The following SLC26A11 variants were observed in gnomAD, a reference collection of about 807,000 sequenced individuals.
SLC26A11 encodes sodium-independent sulfate anion transporter.
Under a neutral mutation model 62.2 loss-of-function variants are expected in SLC26A11, and 58 were observed. That is an observed-to-expected ratio of 0.93 (90% confidence interval 0.76 to 1.16). The LOEUF (loss-of-function observed/expected upper bound fraction) is 1.16, where lower values mean the gene tolerates loss of function less well. SLC26A11 is among the 50% of genes most tolerant of loss of function. SLC26A11 has a pLI of 0.00. For synonymous variants in SLC26A11, 411 were observed against 368.9 expected (o/e 1.11, Z -1.31); for missense variants, 790 against 794.3 (o/e 0.99, Z 0.06).
rs773547287 is a variant in SLC26A11 at position 80,222,723 on chromosome 17, T to C, written c.303T>C (p.Thr101=). Residue 101 remains threonine (T), a synonymous_variant, in exon 4 of 18, where the codon ACT becomes ACC. Transcript: ENST00000361193. This position sits in a 1 kb window ranked among gnomAD's most constrained non-coding sequence, Gnocchi z 4.7. Reference sequence around the variant, plus strand: ...TCCTGGGCACCTCCCGGGATGTGACTCTGGGCCCCACCGCCATTATGTCCC... The same window carrying C: ...TCCTGGGCACCTCCCGGGATGTGACCCTGGGCCCCACCGCCATTATGTCCC... ...YFFLGTSRDV[T]LGPTAIMSLL... is the part of the protein sequence containing the mutation. 6.2e-7 allele frequency: 1 copy of C among 1,614,126 alleles called. No individual in the cohort carries two copies. The highest frequency in any genetic ancestry group is 8.5e-7 in the Non-Finnish European group (1 of 1,180,020).
intron 9 of SLC26A11, among the ~76,000 whole-genome samples, chr17:80,240,933 A>G (rs939810919): frequency 6.6e-6 from 1 of 152,120 alleles, no homozygotes; most frequent in Non-Finnish European, 1.5e-5. Context: ...CAACTTAACA[A>G]GACCTCATTT....
At chr17:80,226,485 TAGGTC>T (rs1466917748) in intron 6 of SLC26A11, among the ~76,000 whole-genome samples, 2 of 152,140 alleles carry the variant, frequency 1.3e-5, no homozygotes, top group Non-Finnish European at 2.9e-5. Flanking sequence ...CAGATCATCT[TAGGTC>T]AGGAGTTCAA....
Position 80,223,240 on chromosome 17 carries a change from T to G in SLC26A11, c.428-12T>G. 6.2e-7 allele frequency: 1 copy of G among 1,613,778 alleles called. No individual in the cohort carries two copies. The highest frequency in any genetic ancestry group is 1.3e-5 in the African/African-American group (1 of 75,042). ...GCCGGGACCAGCTCGATGTCCCCTC[T>G]TGGCTGGCCAGGGTTCCTGCTGGAC... On this transcript the variant is annotated splice_polypyrimidine_tract_variant and intron_variant, in intron 4 of 17. Transcript: ENST00000361193. The surrounding 1 kb of genome is among the most constrained non-coding windows in gnomAD (Gnocchi z 4.6).
chr17:80,252,934 G>C lies in SLC26A11; in HGVS notation c.*218G>C. ...GGGATGACTGGAAAATGACCTCGCT[G>C]CTGTTCCCTGGCATGACCCTCTTTG... On this transcript the variant is annotated 3_prime_UTR_variant, in exon 18 of 18. Coordinates refer to ENST00000361193, the MANE Select transcript of SLC26A11 (RefSeq NM_001166347.2). This position sits in a 1 kb window ranked among gnomAD's most constrained non-coding sequence, Gnocchi z 5.2. 1 of 502,642 alleles carries C rather than the reference G, an allele frequency of 2.0e-6. No individual in the cohort carries two copies. The highest frequency in any genetic ancestry group is 2.0e-5 in the African/African-American group (1 of 51,006). 31.1% of individuals were successfully genotyped at this position (502,642 alleles called of 1,614,324 possible). A position where few individuals can be genotyped will look rare whatever the true frequency, so the allele number is the denominator to read the frequency against.
intron 9 of SLC26A11, 56 bp downstream of exon 9, chr17:80,237,650 C>T: frequency 1.3e-6 from 2 of 1,542,352 alleles, no homozygotes; most frequent in Non-Finnish European, 1.8e-6. Flanking sequence ...TGGGCTAGGC[C>T]TGCCTGCTTT....
At chr17:80,227,526 G>C (rs2042444016) in intron 6 of SLC26A11, among the ~76,000 whole-genome samples, 3 of 152,262 alleles carry the variant, frequency 2.0e-5, no homozygotes, top group African/African-American at 7.2e-5. Context: ...TTTTGAAGTA[G>C]AACAGGGATG....
Position 80,251,311 on chromosome 17 carries a change from A to G in SLC26A11, c.1657-18A>G. ...AGAGGAACATCCCTGCCCTGGCTAA[A>G]GTCTGTCTGTCTCTCAGGTCCCCGT... On this transcript the variant is annotated intron_variant, in intron 16 of 17. Transcript: ENST00000361193. The G allele has an allele frequency of 1.2e-6, 2 of 1,613,994 alleles. No individual in the cohort carries two copies. Among genetic ancestry groups the G allele is most frequent in the Non-Finnish European group, 1.7e-6 (2 of 1,179,918 alleles).
intron 2 of SLC26A11, 165 bp from the exon 3 acceptor site, chr17:80,221,383 T>C (rs2042182328): frequency 1.8e-6 from 1 of 565,210 alleles, no homozygotes; most frequent in Non-Finnish European, 3.1e-6. Context: ...CTTGGCCCAG[T>C]CCCCATCTTG....
At chr17:80,242,825 C>T (rs1353576947) in intron 10 of SLC26A11, among the ~76,000 whole-genome samples, 1 of 152,210 alleles carries the variant, frequency 6.6e-6, no homozygotes, top group Non-Finnish European at 1.5e-5. Flanking sequence ...TCTCCTGCCT[C>T]AGCCTCCCGA....
At chr17:80,251,656 G>A (rs780388562) in intron 17 of SLC26A11, among the ~76,000 whole-genome samples, 3 of 151,820 alleles carry the variant, frequency 2.0e-5, no homozygotes, top group Non-Finnish European at 2.9e-5. Context: ...CCAGCTATTC[G>A]GGAGGCTGAA....
chr17:80,225,954 T>G, intron 6 of SLC26A11, 38 bp downstream of exon 6: 1 of 1,583,002 alleles, frequency 6.3e-7, no homozygotes, highest in South Asian at 1.1e-5. Flanking sequence ...ATAAGGAAGC[T>G]CCTTCTTCCA....
At position 80,251,385 on chromosome 17, in the gene SLC26A11, T is replaced by C; in HGVS notation, c.1713T>C (p.Ser571=). Residue 571 remains serine, a synonymous_variant, in exon 17 of 18, where the codon TCT becomes TCC. Coordinates refer to ENST00000361193, the MANE Select transcript of SLC26A11 (RefSeq NM_001166347.2). ...SADLKGFQYF[S]TLEEAEKHLR... is the part of the protein sequence containing the mutation. ...ACCTGAAGGGGTTCCAGTACTTCTC[T>C]ACCCTGGAAGAAGCAGGTGGGCACA... 1 of 1,614,028 alleles carries C rather than the reference T, an allele frequency of 6.2e-7. No individual in the cohort carries two copies. Among genetic ancestry groups the C allele is most frequent in the African/African-American group, 1.3e-5 (1 of 75,040 alleles).
At position 80,222,530 on chromosome 17, in the gene SLC26A11, G is replaced by A. The variant is rs2042250913; in HGVS notation, c.235-125G>A. 3.3e-5 allele frequency: 32 copies of A among 980,486 alleles called. No homozygotes were observed. Among genetic ancestry groups the A allele is most frequent in the Middle Eastern group, 6.1e-4 (2 of 3,278 alleles). 60.7% of individuals were successfully genotyped at this position (980,486 alleles called of 1,614,324 possible). On this transcript the variant is annotated intron_variant, in intron 3 of 17. Transcript: ENST00000361193. The surrounding 1 kb of genome is among the most constrained non-coding windows in gnomAD (Gnocchi z 4.7). ...TGCAGGTCCACCCACAGGGCAGGGC[G>A]GTGCACCTTTAACCTGGGCCTGGAC...
At chr17:80,247,157 G>C (rs967493288) in intron 13 of SLC26A11, among the ~76,000 whole-genome samples, 2 of 151,994 alleles carry the variant, frequency 1.3e-5, no homozygotes, top group Non-Finnish European at 2.9e-5. Flanking sequence ...TATGGGGTTG[G>C]GGGTAAGGTC....
chr17:80,224,264 CGTGTGTGA>C (rs1167187960), intron 5 of SLC26A11, among the ~76,000 whole-genome samples: 1 of 124,984 alleles, frequency 8.0e-6, no homozygotes, highest in Non-Finnish European at 1.7e-5. Context: ...TGAGTGTGTG[CGTGTGTGA>C]GTGAGTGCGT....
At position 80,236,993 on chromosome 17, in the gene SLC26A11, C is replaced by A. The variant is rs760567831; in HGVS notation, c.802C>A (p.Gln268Lys). 2 of 1,614,108 alleles carry A rather than the reference C, an allele frequency of 1.2e-6. No homozygotes were observed. Among genetic ancestry groups the A allele is most frequent in the East Asian group, 4.5e-5 (2 of 44,864 alleles). The stretch of plus-strand genomic sequence containing the variant: ...GTACTCCTTCGAGGTGACTGGATAC[C>A]AGCCTTTCATCCTAACAGGGGAGAC... ...VAYSFEVTGYQPFILTGETAE... is the reference protein window; with the variant it reads ...VAYSFEVTGYKPFILTGETAE... The change falls in exon 8 of 18, where the codon CAG becomes AAG. Residue 268 changes from glutamine (Q) to lysine (K), a missense_variant. Physicochemically the swap from Gln to Lys is moderately conservative, Grantham distance 53. Transcript: ENST00000361193.
intron 5 of SLC26A11, among the ~76,000 whole-genome samples, chr17:80,224,254 T>A: frequency 6.8e-6 from 1 of 146,234 alleles, no homozygotes; most frequent in East Asian, 2.0e-4. Flanking sequence ...AGGGAGTGTG[T>A]GAGTGTGTGC....
chr17:80,236,028 G>A (rs1451005180), intron 7 of SLC26A11, among the ~76,000 whole-genome samples: 2 of 152,174 alleles, frequency 1.3e-5, no homozygotes, highest in African/African-American at 4.8e-5. Context: ...AAAGTTTTTA[G>A]TATTTAGCCC....
In SLC26A11 at chr17:80,245,373, G is replaced by A. The variant is rs570884918; in HGVS notation, c.1097+117G>A. 8.9e-4 allele frequency: 874 copies of A among 985,002 alleles called. 8 individuals carry two copies. Among genetic ancestry groups the A allele is most frequent in the Admixed American group, 6.9e-4 (36 of 52,020 alleles). 61.0% of individuals were successfully genotyped at this position (985,002 alleles called of 1,614,324 possible). A position where few individuals can be genotyped will look rare whatever the true frequency, so the allele number is the denominator to read the frequency against. ...CCCCGTCCTCCACTGTGAACGCTCC[G>A]TGGAGAGGCAGGGCTGGGGGTCACC... On this transcript the variant is annotated intron_variant, in intron 11 of 17. Transcript: ENST00000361193.
Sources: gnomAD v4.1 joint callset for allele counts (sites outside exome capture counted in the v4.1 genomes callset) on GRCh38, gnomAD v4.1.1 for gene constraint, Gnocchi (gnomAD v3.1) non-coding constraint, MANE v1.5 for transcripts, NCBI Gene and HGNC (gene_info 2026-07-23, HGNC 2026-07-21) for gene names.